DLC1: variants seen among roughly 807,000 people sequenced by gnomAD.
DLC1 encodes the protein DLC1 Rho GTPase activating protein.
In DLC1, 54 loss-of-function variants were observed where a neutral mutation model predicts 140.3. The observed-to-expected ratio is 0.38, with a 90% CI of 0.31 to 0.48. DLC1 has a LOEUF of 0.48. DLC1 is among the 20% of genes least tolerant of loss of function. DLC1 has a pLI of 0.96. For missense variants in DLC1, 2,536 were observed against 1,907.0 expected (o/e 1.33, Z -6.14); for synonymous variants, 986 against 728.1 (o/e 1.35, Z -5.70).
intron 1 of DLC1, among the ~76,000 whole-genome samples, chr8:13,602,685 T>A (rs1288192703): frequency 6.6e-6 from 1 of 151,892 alleles, no homozygotes; most frequent in East Asian, 1.9e-4. Flanking sequence ...TTTTTATGTA[T>A]CTTAAAAAGT....
In DLC1 at chr8:13,398,129, CA is replaced by C. The variant is rs34722653; in HGVS notation, c.1173+3340del. 3.3e-5 allele frequency among the ~76,000 whole-genome samples: 5 copies of C among 150,052 alleles called. No individual in the cohort carries two copies. The East Asian group carries it at 5.9e-4, about 18-fold the overall frequency. On this transcript the variant is annotated intron_variant, in intron 3 of 17. Coordinates refer to ENST00000276297, the MANE Select transcript of DLC1 (RefSeq NM_182643.3). ...CTGGTGACAGAGCGAGAGTCCATCT[CA>C]AAAAAAAGAACAAGACCTTGTCTCT... is the stretch of plus-strand genomic sequence containing the variant.
intron 5 of DLC1, among the ~76,000 whole-genome samples, chr8:13,124,315 A>T (rs1821373114): frequency 6.6e-6 from 1 of 152,192 alleles, no homozygotes; most frequent in South Asian, 2.1e-4. Context: ...GATCTTGGAT[A>T]TGAAACTGGA....
intron 5 of DLC1, among the ~76,000 whole-genome samples, chr8:13,248,419 C>G (rs1302689343): frequency 6.7e-6 from 1 of 149,046 alleles, no homozygotes; most frequent in African/African-American, 2.5e-5. Context: ...TGACTCTGAG[C>G]TGTTTCCCAA....
intron 5 of DLC1, among the ~76,000 whole-genome samples, chr8:13,125,268 A>C (rs1448752170): frequency 6.6e-6 from 1 of 152,168 alleles, no homozygotes; most frequent in Non-Finnish European, 1.5e-5. Context: ...TGAGCCACCA[A>C]ACCTGGCCTA....
At chr8:13,105,926 G>A (rs923889428) in intron 7 of DLC1, among the ~76,000 whole-genome samples, 22 of 152,276 alleles carry the variant, frequency 1.4e-4, no homozygotes, top group African/African-American at 4.6e-4. Flanking sequence ...ATAAATGAAA[G>A]CAACTTATAT....
intron 1 of DLC1, among the ~76,000 whole-genome samples, chr8:13,571,561 G>A (rs1456185763): frequency 6.6e-6 from 1 of 152,130 alleles, no homozygotes; most frequent in African/African-American, 2.4e-5. Flanking sequence ...TCCATTGTAG[G>A]TATATGTAAC....
chr8:13,487,173 G>T (rs569619376), intron 2 of DLC1, among the ~76,000 whole-genome samples: 1 of 152,204 alleles, frequency 6.6e-6, no homozygotes, highest in African/African-American at 2.4e-5. Context: ...TCTACTCCAG[G>T]TTTCAACAAA....
chr8:13,278,107 G>A (rs1056869658), intron 5 of DLC1, among the ~76,000 whole-genome samples: 4 of 152,190 alleles, frequency 2.6e-5, no homozygotes, highest in African/African-American at 9.7e-5. Flanking sequence ...CCCCCATTGA[G>A]CATGTACTTC....
At chr8:13,503,769 G>T (rs925862721) in intron 1 of DLC1, among the ~76,000 whole-genome samples, 5 of 152,314 alleles carry the variant, frequency 3.3e-5, no homozygotes, top group Admixed American at 2.6e-4. Context: ...AACCTGAATT[G>T]TATAGTCTAC....
chr8:13,470,356 G>A (rs978929173), intron 2 of DLC1, among the ~76,000 whole-genome samples: 2 of 152,010 alleles, frequency 1.3e-5, no homozygotes, highest in African/African-American at 2.4e-5. Context: ...CATATAAGGA[G>A]TTCATATAAC....
chr8:13,085,439 C>T lies in DLC1; in HGVS notation c.*372G>A. On this transcript the variant is annotated 3_prime_UTR_variant, in exon 18 of 18. Coordinates refer to ENST00000276297, the MANE Select transcript of DLC1 (RefSeq NM_182643.3). ...AACTATTCCAGTGGATACACCAGTCCCTCAACACACTGCAAATAAAGCGAC... is the reference window on the plus strand; with the variant it reads ...AACTATTCCAGTGGATACACCAGTCTCTCAACACACTGCAAATAAAGCGAC... 1 of 170,236 alleles carries T rather than the reference C, an allele frequency of 5.9e-6. No homozygotes were observed. The highest frequency in any genetic ancestry group is 1.3e-5 in the Non-Finnish European group (1 of 78,308). 10.5% of individuals were successfully genotyped at this position (170,236 alleles called of 1,614,324 possible).
chr8:13,498,112 G>C (rs370589248), intron 2 of DLC1, among the ~76,000 whole-genome samples: 3 of 152,112 alleles, frequency 2.0e-5, no homozygotes, highest in African/African-American at 7.2e-5. Context: ...TCAAGAGAGG[G>C]GCAAGGATAT....
intron 1 of DLC1, among the ~76,000 whole-genome samples, chr8:13,561,258 T>A (rs562636608): frequency 6.6e-6 from 1 of 152,130 alleles, no homozygotes; most frequent in East Asian, 1.9e-4. Flanking sequence ...TAGCTAGGAC[T>A]AGAGGTGCAC....
chr8:13,153,224 C>T (rs1198075789), intron 5 of DLC1, among the ~76,000 whole-genome samples: 3 of 152,108 alleles, frequency 2.0e-5, no homozygotes, highest in South Asian at 2.1e-4. Flanking sequence ...CTGGTGGGTT[C>T]GTGGTCTCGC....
At chr8:13,469,962 C>T (rs1389030814) in intron 2 of DLC1, among the ~76,000 whole-genome samples, 1 of 152,148 alleles carries the variant, frequency 6.6e-6, no homozygotes, top group Non-Finnish European at 1.5e-5. Context: ...GGCAGGGCAG[C>T]TTATTTTGTA....
At chr8:13,546,366 C>G (rs541990533) in intron 1 of DLC1, among the ~76,000 whole-genome samples, 3 of 152,140 alleles carry the variant, frequency 2.0e-5, no homozygotes, top group Admixed American at 6.6e-5. Context: ...TCTTGAAAAA[C>G]TATTTTAATA....
intron 2 of DLC1, among the ~76,000 whole-genome samples, chr8:13,417,002 A>G (rs976907685): frequency 1.3e-5 from 2 of 152,182 alleles, no homozygotes; most frequent in East Asian, 1.9e-4. Context: ...ATTTCAAATC[A>G]GTAAATAAGT....
At chr8:13,434,583 G>C (rs1839033836) in intron 2 of DLC1, among the ~76,000 whole-genome samples, 1 of 152,156 alleles carries the variant, frequency 6.6e-6, no homozygotes, top group South Asian at 2.1e-4. Flanking sequence ...TTGGCAAGGT[G>C]ACTTACAAGG....
At chr8:13,364,031 G>T (rs184064483) in intron 4 of DLC1, among the ~76,000 whole-genome samples, 8 of 152,328 alleles carry the variant, frequency 5.3e-5, no homozygotes, top group Non-Finnish European at 7.3e-5. Flanking sequence ...GTAGGGGTGT[G>T]TGTGTATGTG....
Sources: gnomAD v4.1 joint callset for allele counts (sites outside exome capture counted in the v4.1 genomes callset) on GRCh38, gnomAD v4.1.1 for gene constraint, MANE v1.5 for transcripts, NCBI Gene and HGNC (gene_info 2026-07-23, HGNC 2026-07-21) for gene names.